PGM1: variants seen among roughly 807,000 people sequenced by gnomAD.
The protein encoded by PGM1 is phosphoglucomutase-1.
PGM1 carries 52 observed loss-of-function variants against 55.6 expected under a neutral mutation model. The observed-to-expected ratio is 0.94, with a 90% CI of 0.75 to 1.18. The LOEUF is 1.18. PGM1 is among the 50% of genes most tolerant of loss of function. The pLI, the probability that PGM1 is intolerant of heterozygous loss-of-function variation, is 0.00. For synonymous variants in PGM1, 287 were observed against 271.7 expected (o/e 1.06, Z -0.55); for missense variants, 724 against 729.3 (o/e 0.99, Z 0.08).
intron 8 of PGM1, among the ~76,000 whole-genome samples, chr1:63,650,720 A>G (rs759136410): frequency 1.3e-4 from 20 of 152,234 alleles, no homozygotes; most frequent in Non-Finnish European, 2.4e-4. Flanking sequence ...AGTCTTTAAC[A>G]TCATAAGAAA....
chr1:63,623,755 A>G (rs759993156), intron 1 of PGM1: 1 of 1,607,306 alleles, frequency 6.2e-7, no homozygotes, highest in South Asian at 1.1e-5. Context: ...GGCAGCTGCC[A>G]ATGGGGTGGG....
At chr1:63,633,784 C>T (rs560311751) in intron 4 of PGM1, among the ~76,000 whole-genome samples, 175 of 151,132 alleles carry the variant, frequency 1.2e-3, no homozygotes, top group African/African-American at 4.1e-3. Flanking sequence ...TCTCCTGCCT[C>T]AGCCTCCTGA....
At chr1:63,641,374 T>C (rs777467326) in intron 7 of PGM1, among the ~76,000 whole-genome samples, 9 of 152,316 alleles carry the variant, frequency 5.9e-5, no homozygotes, top group Non-Finnish European at 1.3e-4. Context: ...TAGATCGCTG[T>C]TGTGAACGAG....
intron 1 of PGM1, among the ~76,000 whole-genome samples, chr1:63,598,558 G>C (rs551334586): frequency 6.6e-6 from 1 of 152,248 alleles, no homozygotes; most frequent in South Asian, 2.1e-4. Flanking sequence ...AAATTCCTAG[G>C]TAGTAGTAGT....
chr1:63,621,081 G>T (rs2100974788), intron 1 of PGM1, among the ~76,000 whole-genome samples: 1 of 152,156 alleles, frequency 6.6e-6, no homozygotes, highest in Admixed American at 6.5e-5. Flanking sequence ...TTTATATGGG[G>T]TTGAGTTCTA....
chr1:63,626,964 A>C (rs1395949707), intron 1 of PGM1, among the ~76,000 whole-genome samples: 1 of 151,724 alleles, frequency 6.6e-6, no homozygotes, highest in Non-Finnish European at 1.5e-5. Context: ...GGAATCATAC[A>C]GCATTTGTCT....
chr1:63,649,599 T>A (rs1374280811), intron 8 of PGM1, among the ~76,000 whole-genome samples: 4 of 152,240 alleles, frequency 2.6e-5, no homozygotes, highest in Admixed American at 2.6e-4. Flanking sequence ...AAAAAATATA[T>A]CCCAGATTTT....
chr1:63,617,471 G>T (rs116240989), intron 1 of PGM1, among the ~76,000 whole-genome samples: 3,014 of 152,100 alleles, frequency 0.02, 91 homozygotes, highest in African/African-American at 0.069. Context: ...ATTTTGGGAG[G>T]CCAGGCGGGC....
intron 1 of PGM1, chr1:63,623,806 C>T (rs747731495): frequency 4.7e-5 from 65 of 1,382,226 alleles, no homozygotes; most frequent in Non-Finnish European, 6.3e-5. Flanking sequence ...CTCCAAATAA[C>T]CTTAATTTTA....
intron 3 of PGM1, 52 bp downstream of exon 3, chr1:63,630,140 A>AT (rs1557431557): frequency 6.3e-7 from 1 of 1,578,208 alleles, no homozygotes; most frequent in African/African-American, 1.3e-5. Flanking sequence ...AAGTTGAGCG[A>AT]TTTTCCTTTC....
At chr1:63,623,614 T>G (rs750835021) in intron 1 of PGM1, 7 of 1,612,708 alleles carry the variant, frequency 4.3e-6, no homozygotes, top group Non-Finnish European at 5.9e-6. Flanking sequence ...GGAAAAGCCA[T>G]GCTATCTGGA....
chr1:63,638,752 A>T lies in PGM1; in HGVS notation c.1096A>T (p.Met366Leu). Residue 366 changes from methionine to leucine, a missense_variant, in exon 7 of 11, where the codon ATG becomes TTG. Physicochemically the swap from Met to Leu is conservative, Grantham distance 15. Around this residue, in one of 3 missense-constraint regions of PGM1, gnomAD observed 316 missense variants for 313.1 expected, o/e 1.01. Transcript: ENST00000371084. ...TGGCTGGAAGTTTTTTGGGAATTTGATGGACGCGAGCAAACTGTCCCTTTG... is the reference window on the plus strand; with the variant it reads ...TGGCTGGAAGTTTTTTGGGAATTTGTTGGACGCGAGCAAACTGTCCCTTTG... ...PTGWKFFGNL[M>L]DASKLSLCGE... The T allele has an allele frequency of 6.2e-7, 1 of 1,614,100 alleles. No individual in the cohort carries two copies. Among genetic ancestry groups the T allele is most frequent in the African/African-American group, 1.3e-5 (1 of 75,024 alleles).
At chr1:63,645,462 T>C (rs2100995885) in intron 7 of PGM1, among the ~76,000 whole-genome samples, 1 of 152,286 alleles carries the variant, frequency 6.6e-6, no homozygotes, top group Admixed American at 6.5e-5. Context: ...GTATATGCTG[T>C]CATGAATTCC....
chr1:63,648,037 C>T (rs1338506131), intron 7 of PGM1, among the ~76,000 whole-genome samples: 1 of 152,170 alleles, frequency 6.6e-6, no homozygotes, highest in Admixed American at 6.5e-5. Flanking sequence ...CCCAAGTCCT[C>T]AGTCAGGCAG....
chr1:63,613,361 C>A (rs1171371131), intron 1 of PGM1, among the ~76,000 whole-genome samples: 2 of 147,764 alleles, frequency 1.4e-5, no homozygotes, highest in African/African-American at 5.1e-5. Context: ...TATTCTCTTG[C>A]ACTTCTGGCA....
At chr1:63,628,145 T>C (rs750959981) in intron 1 of PGM1, among the ~76,000 whole-genome samples, 21 of 152,154 alleles carry the variant, frequency 1.4e-4, no homozygotes, top group Middle Eastern at 3.2e-3. Context: ...TACCATGGGA[T>C]GTAGAAAGCA....
At chr1:63,623,221 A>G (rs1648929508) in intron 1 of PGM1, 1 of 1,362,786 alleles carries the variant, frequency 7.3e-7, no homozygotes, top group Non-Finnish European at 9.4e-7. Flanking sequence ...TCATCAAAAC[A>G]ACTTTGAAGA....
At chr1:63,612,304 C>A (rs1648589554) in intron 1 of PGM1, among the ~76,000 whole-genome samples, 1 of 152,198 alleles carries the variant, frequency 6.6e-6, no homozygotes, top group Admixed American at 6.5e-5. Flanking sequence ...CTTTCTTTAA[C>A]CAGCAGGTTA....
chr1:63,633,876 GTGTGTGTGTGTGTGTGT>G (rs1557433487), intron 4 of PGM1, among the ~76,000 whole-genome samples: 97 of 23,096 alleles, frequency 4.2e-3, no homozygotes, highest in Middle Eastern at 0.017. Context: ...CTGTGTGTGT[GTGTGTGTGTGTGTGTGT>G]GTGTGTGTGT....
Sources: allele counts gnomAD v4.1 joint callset (sites outside exome capture counted in the v4.1 genomes callset), GRCh38; gene constraint gnomAD v4.1.1; regional missense constraint gnomAD v4.1.1; transcripts MANE v1.5; gene names NCBI Gene and HGNC (gene_info 2026-07-23, HGNC 2026-07-21).